The following NEDD9 variants were observed in gnomAD, a reference collection of about 807,000 sequenced individuals.
NEDD9 encodes the protein enhancer of filamentation 1.
NEDD9 carries 26 observed loss-of-function variants against 76.6 expected under a neutral mutation model. The ratio of observed to expected loss-of-function variants is 0.34; its 90% CI spans 0.25 to 0.47. The LOEUF is 0.47. Among genes scored for constraint, NEDD9 ranks in the 20% least tolerant of loss-of-function variants. NEDD9 has a pLI of 1.00. For missense variants in NEDD9, 937 were observed against 1,058.5 expected (o/e 0.89, Z 1.59); for synonymous variants, 392 against 414.2 (o/e 0.95, Z 0.65).
At chr6:11,320,202 C>T (rs1260417847) in intron 2 of NEDD9, among the ~76,000 whole-genome samples, 1 of 152,078 alleles carries the variant, frequency 6.6e-6, no homozygotes, top group African/African-American at 2.4e-5. Context: ...TTTTGTTACT[C>T]ACAGTCAAAA....
At chr6:11,225,413 T>TA (rs1442883974) in intron 1 of NEDD9, among the ~76,000 whole-genome samples, 1 of 152,198 alleles carries the variant, frequency 6.6e-6, no homozygotes, top group African/African-American at 2.4e-5. Flanking sequence ...ACTACCTACT[T>TA]AGACACCGTG....
At chr6:11,321,207 A>C (rs1761792246) in intron 2 of NEDD9, among the ~76,000 whole-genome samples, 2 of 111,236 alleles carry the variant, frequency 1.8e-5, no homozygotes, top group Non-Finnish European at 1.9e-5. Flanking sequence ...GAGGGAGGGA[A>C]AGAAGGAAGG....
intron 1 of NEDD9, among the ~76,000 whole-genome samples, chr6:11,339,382 C>G (rs999990017): frequency 1.3e-5 from 2 of 152,142 alleles, no homozygotes; most frequent in African/African-American, 4.8e-5. Context: ...AATCACTTCT[C>G]AGCCTGGATG....
At chr6:11,209,525 T>C (rs1311576274) in intron 2 of NEDD9, among the ~76,000 whole-genome samples, 1 of 152,184 alleles carries the variant, frequency 6.6e-6, no homozygotes, top group South Asian at 2.1e-4. Flanking sequence ...GCTGATGTAG[T>C]AGGAAATAAA....
intron 3 of NEDD9, among the ~76,000 whole-genome samples, chr6:11,300,806 C>A (rs973849920): frequency 6.6e-6 from 1 of 152,112 alleles, no homozygotes; most frequent in Non-Finnish European, 1.5e-5. Context: ...TATAGACAAG[C>A]AAATGCTGAG....
At chr6:11,229,785 G>C (rs1471182286) in intron 1 of NEDD9, among the ~76,000 whole-genome samples, 1 of 152,200 alleles carries the variant, frequency 6.6e-6, no homozygotes, top group Non-Finnish European at 1.5e-5. Context: ...AGACAGATTA[G>C]ATAAGTGCTA....
intron 3 of NEDD9, among the ~76,000 whole-genome samples, chr6:11,278,397 G>T (rs998153505): frequency 6.6e-6 from 1 of 152,220 alleles, no homozygotes; most frequent in South Asian, 2.1e-4. Flanking sequence ...TGTTCAAAAA[G>T]GTTAAGATAC....
At chr6:11,376,315 C>T (rs1048162700) in intron 1 of NEDD9, among the ~76,000 whole-genome samples, 2 of 152,104 alleles carry the variant, frequency 1.3e-5, no homozygotes, top group South Asian at 2.1e-4. Flanking sequence ...CAGAAAAAGA[C>T]AGGAAGATGA....
At chr6:11,265,232 C>T (rs73361013) in intron 3 of NEDD9, among the ~76,000 whole-genome samples, 29,842 of 152,184 alleles carry the variant, frequency 0.2, 3,430 homozygotes, top group African/African-American at 0.32. Context: ...GGTTATTTCA[C>T]AGAAGAACTT....
chr6:11,251,467 G>A (rs1027845060), intron 3 of NEDD9: 1 of 152,150 alleles, frequency 6.6e-6, no homozygotes, highest in East Asian at 1.9e-4. Flanking sequence ...CATCTTCCTC[G>A]GTCACGGTCA....
chr6:11,243,186 A>G (rs77303031), intron 3 of NEDD9, among the ~76,000 whole-genome samples: 2,397 of 152,298 alleles, frequency 0.016, 65 homozygotes, highest in African/African-American at 0.055. Context: ...GTGGTCCAGC[A>G]TCCTGGCCTC....
chr6:11,283,146 C>T (rs1760573729), intron 3 of NEDD9, among the ~76,000 whole-genome samples: 1 of 152,244 alleles, frequency 6.6e-6, no homozygotes. Flanking sequence ...CTCTATTCAA[C>T]CATTGCAGCC....
chr6:11,215,522 T>G (rs1758929889), intron 1 of NEDD9, among the ~76,000 whole-genome samples: 1 of 152,238 alleles, frequency 6.6e-6, no homozygotes, highest in Admixed American at 6.5e-5. Flanking sequence ...TCTGTTTCTC[T>G]TCTCCCATCT....
intron 2 of NEDD9, chr6:11,328,855 G>A (rs1373266248): frequency 6.6e-5 from 10 of 152,242 alleles, no homozygotes; most frequent in Admixed American, 5.9e-4. Context: ...AGGCCAAGAC[G>A]CCCTCTCCAT....
Position 11,190,769 on chromosome 6 carries a change from C to T in NEDD9, c.1100G>A (p.Arg367Gln). The T allele has an allele frequency of 1.9e-6, 3 of 1,614,144 alleles. No individual in the cohort carries two copies. The highest frequency in any genetic ancestry group is 2.5e-6 in the Non-Finnish European group (3 of 1,180,034). ...GCTGCCTGTACTGGAGAAAGACAAT[C>T]GGTTGATCCCATCCACCAAGTCCCG... is the stretch of plus-strand genomic sequence containing the variant. ...GSRDLVDGIN[R>Q]LSFSSTGSTR... The change falls in exon 5 of 7, where the codon CGA becomes CAA. Residue 367 changes from arginine (R) to glutamine (Q), a missense_variant. By Grantham distance (43) the Arg-to-Gln change is conservative. Coordinates refer to ENST00000379446, the MANE Select transcript of NEDD9 (RefSeq NM_006403.4). This position sits in a 1 kb window ranked among gnomAD's most constrained non-coding sequence, Gnocchi z 5.8.
At chr6:11,313,762 A>G (rs1233837532) in intron 2 of NEDD9, among the ~76,000 whole-genome samples, 1 of 152,228 alleles carries the variant, frequency 6.6e-6, no homozygotes, top group Admixed American at 6.5e-5. Flanking sequence ...AGAGTAAACA[A>G]GCTCATTTTT....
At position 11,190,231 on chromosome 6, in the gene NEDD9, G is replaced by A; in HGVS notation, c.1638C>T (p.Thr546=). 2 of 1,614,238 alleles carry A rather than the reference G, an allele frequency of 1.2e-6. No individual in the cohort carries two copies. The highest frequency in any genetic ancestry group is 1.7e-6 in the Non-Finnish European group (2 of 1,180,032). ...CCTCTGCGTTGGTGTTGATGGTTGT[G>A]GTGAGCTGCTTGGCGTCATCGGGCA... ...KTVPDDAKQL[T]TTINTNAEAL... Residue 546 remains threonine (T), a synonymous_variant, in exon 5 of 7, where the codon ACC becomes ACT. Coordinates refer to ENST00000379446, the MANE Select transcript of NEDD9 (RefSeq NM_006403.4). The surrounding 1 kb of genome is among the most constrained non-coding windows in gnomAD (Gnocchi z 5.8).
chr6:11,188,373 A>C (rs1380414142), intron 5 of NEDD9, 66 bp from the exon 6 acceptor site: 5 of 1,292,734 alleles, frequency 3.9e-6, no homozygotes, highest in Non-Finnish European at 5.6e-6. Flanking sequence ...TAACAATTTC[A>C]TTGACGGATG....
intron 3 of NEDD9, chr6:11,271,927 T>C (rs1378509567): frequency 6.6e-6 from 1 of 152,220 alleles, no homozygotes; most frequent in Admixed American, 6.5e-5. Context: ...TAAACTAGGC[T>C]CATGTATTGA....
Sources: allele counts gnomAD v4.1 joint callset (sites outside exome capture counted in the v4.1 genomes callset), GRCh38; gene constraint gnomAD v4.1.1; non-coding constraint Gnocchi (gnomAD v3.1); transcripts MANE v1.5; gene names NCBI Gene and HGNC (gene_info 2026-07-23, HGNC 2026-07-21).